PIGO: variants seen among roughly 807,000 people sequenced by gnomAD.
PIGO encodes phosphatidylinositol glycan anchor biosynthesis class O, also known as GPI ethanolamine phosphate transferase 3, catalytic subunit.
PIGO carries 66 observed loss-of-function variants against 86.9 expected under a neutral mutation model. The observed-to-expected ratio is 0.76, with a 90% confidence interval of 0.62 to 0.93. PIGO has a LOEUF of 0.93. Among genes scored for constraint, PIGO ranks in the 40% least tolerant of loss-of-function variants. The pLI is 0.00. For missense variants in PIGO, 1,202 were observed against 1,359.1 expected, an observed-to-expected ratio of 0.88 and a Z score of 1.82; for synonymous variants, 570 against 556.4, an observed-to-expected ratio of 1.02 and a Z score of -0.34.
In PIGO at chr9:35,090,173, C is replaced by T. The variant is rs1829347985; in HGVS notation, c.2962G>A (p.Glu988Lys). 2 of 1,614,128 alleles carry T rather than the reference C, an allele frequency of 1.2e-6. No individual in the cohort carries two copies. The highest frequency in any genetic ancestry group is 1.7e-6 in the Non-Finnish European group (2 of 1,180,052). ...ATCTCCATCAGTGGCTCCTCTTCCT[C>T]CTCGGGTCTGACTCTGGCATCAGCT... ...NEADARVRPE[E>K]EEEPLMEMRL... The change falls in exon 9 of 11, where the codon GAG becomes AAG. Residue 988 changes from glutamate to lysine, a missense_variant. Glu to Lys is a moderately conservative substitution (Grantham distance 56). Transcript: ENST00000378617.
At position 35,095,274 on chromosome 9, in the gene PIGO, G is replaced by T; in HGVS notation, c.292C>A (p.Leu98Ile). The change falls in exon 2 of 11, where the codon CTA (leucine) becomes ATA (isoleucine). Residue 98 changes from leucine (L) to isoleucine (I), a missense_variant. Transcript: ENST00000378617. ...GAGCTTAGTTTGCCCAGGAAGGGTA[G>T]GGAGACAGGAGGCTCTCTAGGCACG... ...SHVPREPPVS[L>I]PFLGKLSSLQ... The T allele has an allele frequency of 6.2e-7, 1 of 1,614,156 alleles. No individual in the cohort carries two copies. The highest frequency in any genetic ancestry group is 8.5e-7 in the Non-Finnish European group (1 of 1,180,006).
chr9:35,089,995 G>C lies in PIGO; in HGVS notation c.3069+71C>G, dbSNP rs1056529357. The stretch of plus-strand genomic sequence containing the variant: ...AGTCAAGGCTCTCTCCCACGGTTTT[G>C]AAGGTCTGAAAGAAAGTGATGCACA... On this transcript the variant is annotated intron_variant, in intron 9 of 10. Coordinates refer to ENST00000378617, the MANE Select transcript of PIGO (RefSeq NM_032634.4). 9 of 1,542,640 alleles carry C rather than the reference G, an allele frequency of 5.8e-6. No individual in the cohort carries two copies. The African/African-American group carries it at 6.9e-5, about 12-fold the overall frequency.
At position 35,095,224 on chromosome 9, in the gene PIGO, C is replaced by A. The variant is rs1470054515; in HGVS notation, c.342G>T (p.Gln114His). Residue 114 changes from glutamine (Q) to histidine (H), a missense_variant, in exon 2 of 11, where the codon CAG becomes CAT. By Grantham distance (24) the Gln-to-His change is conservative (BLOSUM62 0). Transcript: ENST00000378617. ...LSSLQRILEI[Q>H]PHHARLYRSQ... is the part of the protein sequence containing the mutation. ...ATCGGTAGAGCCGGGCATGGTGGGGCTGAATCTCCAGGATCCTCTGCAAGG... is the reference window on the plus strand; with the variant it reads ...ATCGGTAGAGCCGGGCATGGTGGGGATGAATCTCCAGGATCCTCTGCAAGG... The A allele has an allele frequency of 1.2e-6, 2 of 1,614,046 alleles. No individual in the cohort carries two copies. The highest frequency in any genetic ancestry group is 3.3e-5 in the Admixed American group (2 of 60,004).
At chr9:35,090,694 G>A (rs774292957) in intron 7 of PIGO, 22 bp from the exon 8 acceptor site, 24 of 1,608,254 alleles carry the variant, frequency 1.5e-5, no homozygotes, top group East Asian at 2.2e-5. Flanking sequence ...GATATGCCAC[G>A]TTACAGTCAC....
chr9:35,089,280 A>G, intron 10 of PIGO, 59 bp from the exon 11 acceptor site: 1 of 1,613,666 alleles, frequency 6.2e-7, no homozygotes, highest in South Asian at 1.1e-5. Context: ...TTTTCCCTGT[A>G]GAGGCAAAAC....
rs747585510 is a variant in PIGO, at chr9:35,091,639, G to C, written c.2248C>G (p.Leu750Val). 10 of 1,613,300 alleles carry C rather than the reference G, an allele frequency of 6.2e-6. No individual in the cohort carries two copies. The highest frequency in any genetic ancestry group is 2.7e-5 in the African/African-American group (2 of 74,932). Residue 750 changes from leucine to valine, a missense_variant, in exon 7 of 11, where the codon CTG becomes GTG. Leu to Val is a conservative substitution (Grantham distance 32). Transcript: ENST00000378617. ...SMVLPRAVAG[L>V]AASGLALLLW... is the part of the protein sequence containing the mutation. ...AGCAGCGCGAGCCCTGAAGCAGCCA[G>C]CCCTGCTACAGCCCGAGGCAGCACC...
chr9:35,092,524 T>C lies in PIGO; in HGVS notation c.1363A>G (p.Thr455Ala), dbSNP rs766309374. The change falls in exon 7 of 11, where the codon ACT becomes GCT. Residue 455 changes from threonine (T) to alanine (A), a missense_variant. Physicochemically the swap from Thr to Ala is moderately conservative, Grantham distance 58 (BLOSUM62 0). Transcript: ENST00000378617. ...AAGCAGGAAGCAGCCAAGAGAGCAG[T>C]ACCCCCCGCCATGCGGACCAGAGAG... ...RFSLVRMAGG[T>A]ALLAASCFIC... is the part of the protein sequence containing the mutation. 2.4e-5 allele frequency: 38 copies of C among 1,614,138 alleles called. No homozygotes were observed. The highest frequency in any genetic ancestry group is 3.1e-5 in the Non-Finnish European group (37 of 1,179,992).
chr9:35,089,573 A>T, intron 9 of PIGO, 123 bp from the exon 10 acceptor site: 2 of 1,520,872 alleles, frequency 1.3e-6, no homozygotes, highest in Non-Finnish European at 1.8e-6. Flanking sequence ...CAGTGGAAAA[A>T]ATATTGCATG....
intron 5 of PIGO, 46 bp from the exon 6 acceptor site, chr9:35,093,255 G>A (rs1829517535): frequency 6.3e-7 from 1 of 1,588,166 alleles, no homozygotes. Context: ...CAAAGCTGAA[G>A]TCAATGTTTG....
Position 35,092,324 on chromosome 9 carries a change from T to C in PIGO, c.1563A>G (p.Ser521=). 1 of 1,614,148 alleles carries C rather than the reference T, an allele frequency of 6.2e-7. No individual in the cohort carries two copies. The highest frequency in any genetic ancestry group is 8.5e-7 in the Non-Finnish European group (1 of 1,180,020). Residue 521 remains serine (S), a synonymous_variant, in exon 7 of 11, where the codon TCA becomes TCG. Coordinates refer to ENST00000378617, the MANE Select transcript of PIGO (RefSeq NM_032634.4). ...VLLGAVAAVS[S]FLPFLWKAWA... ...AGGCTTTCCACAGAAAAGGGAGGAATGAGCTCACTGCAGCCACAGCCCCTA... is the reference window on the plus strand; with the variant it reads ...AGGCTTTCCACAGAAAAGGGAGGAACGAGCTCACTGCAGCCACAGCCCCTA...
intron 9 of PIGO, chr9:35,089,821 G>T: frequency 2.8e-6 from 4 of 1,404,286 alleles, no homozygotes; most frequent in Non-Finnish European, 3.7e-6. Flanking sequence ...CACTGATAGA[G>T]TAATCCTCAA....
chr9:35,092,107 G>A lies in PIGO; in HGVS notation c.1780C>T (p.Leu594=). ...ATTGTGAGTAGCTTAGGTGGAAGCA[G>A]CTGGCCCTCCCAGTGAAGCTGGACA... is the stretch of plus-strand genomic sequence containing the variant. ...LVVQLHWEGQ[L]LPPKLLTMPR... The change falls in exon 7 of 11, where the codon CTG becomes TTG. Residue 594 remains leucine (L), a synonymous_variant. Coordinates refer to ENST00000378617, the MANE Select transcript of PIGO (RefSeq NM_032634.4). The A allele has an allele frequency of 6.2e-7, 1 of 1,614,262 alleles. No homozygotes were observed. Among genetic ancestry groups the A allele is most frequent in the Non-Finnish European group, 8.5e-7 (1 of 1,180,046 alleles).
Position 35,093,480 on chromosome 9 carries a change from C to T in PIGO, c.880G>A (p.Val294Ile), listed in dbSNP as rs763720647. The T allele has an allele frequency of 6.2e-7, 1 of 1,614,136 alleles. No individual in the cohort carries two copies. The highest frequency in any genetic ancestry group is 1.1e-5 in the South Asian group (1 of 91,070). Residue 294 changes from valine to isoleucine, a missense_variant, in exon 5 of 11, where the codon GTC becomes ATC. By Grantham distance (29) the Val-to-Ile change is conservative (BLOSUM62 3). Coordinates refer to ENST00000378617, the MANE Select transcript of PIGO (RefSeq NM_032634.4). ...CTATACAGAAAGAGAGCAGCTGAGA[C>T]CTCCAGCTCACTGTCCCCTCCATGG... Reference protein sequence around the residue: ...GDHGGDSELEVSAALFLYSPT... With the variant: ...GDHGGDSELEISAALFLYSPT...
chr9:35,089,610 C>A, intron 9 of PIGO, 160 bp from the exon 10 acceptor site: 1 of 1,462,072 alleles, frequency 6.8e-7, no homozygotes. Flanking sequence ...AGGAGACCTA[C>A]TTCCTGCCCT....
At chr9:35,093,350 T>G (rs773851080) in intron 5 of PIGO, 71 bp downstream of exon 5, 34 of 1,602,616 alleles carry the variant, frequency 2.1e-5, no homozygotes, top group Non-Finnish European at 2.0e-5. Context: ...ATAGAGGTAT[T>G]CATGAGGATG....
Position 35,092,540 on chromosome 9 carries a change from G to A in PIGO, c.1347C>T (p.Val449=). 6.2e-7 allele frequency: 1 copy of A among 1,614,216 alleles called. No homozygotes were observed. The highest frequency in any genetic ancestry group is 8.5e-7 in the Non-Finnish European group (1 of 1,180,016). The change falls in exon 7 of 11, where the codon GTC becomes GTT. Residue 449 remains valine (V), a synonymous_variant. Transcript: ENST00000378617. ...AGAGAGCAGTACCCCCCGCCATGCG[G>A]ACCAGAGAGAAACGAGCCCAAGACT... ...CIESWARFSL[V]RMAGGTALLA...
rs200985888 is a variant in PIGO at position 35,095,461 on chromosome 9, G to C, written c.105C>G (p.Leu35=). ...GCTCTTGGCAGCTGCTATGGTTGGT[G>C]AGCTCCAAACGGGTGAGCAGGAAGC... ...TSGFLLTRLE[L]TNHSSCQEPP... is the part of the protein sequence containing the mutation. Residue 35 remains leucine (L), a synonymous_variant, in exon 2 of 11, where the codon CTC becomes CTG. Transcript: ENST00000378617. 6.2e-7 allele frequency: 1 copy of C among 1,613,890 alleles called. No individual in the cohort carries two copies. The highest frequency in any genetic ancestry group is 2.2e-5 in the East Asian group (1 of 44,884).
In PIGO at chr9:35,089,880, G is replaced by C; in HGVS notation, c.3069+186C>G. Reference sequence around the variant, plus strand: ...TAGGTTGTAGAGGGGAAATGATCCAGGACTAGGATTAAGGAGACCCAGGTT... The same window carrying C: ...TAGGTTGTAGAGGGGAAATGATCCACGACTAGGATTAAGGAGACCCAGGTT... On this transcript the variant is annotated intron_variant, in intron 9 of 10. Transcript: ENST00000378617. 2.1e-6 allele frequency: 3 copies of C among 1,426,090 alleles called. No individual in the cohort carries two copies. The South Asian group carries it at 4.6e-5, about 22-fold the overall frequency. 88.3% of individuals were successfully genotyped at this position (1,426,090 alleles called of 1,614,324 possible).
rs769136743 is a variant in PIGO at position 35,089,500 on chromosome 9, C to T, written c.3070-50G>A. Reference sequence around the variant, plus strand: ...GTTACTTGTGAAGGAGAGGAGGAAGCGGAGCAAAAGGAGAGTTTCTATAGG... The same window carrying T: ...GTTACTTGTGAAGGAGAGGAGGAAGTGGAGCAAAAGGAGAGTTTCTATAGG... On this transcript the variant is annotated intron_variant, in intron 9 of 10. Coordinates refer to ENST00000378617, the MANE Select transcript of PIGO (RefSeq NM_032634.4). 15 of 1,612,404 alleles carry T rather than the reference C, an allele frequency of 9.3e-6. 1 individual carries two copies. Among genetic ancestry groups the T allele is most frequent in the Admixed American group, 5.0e-5 (3 of 59,684 alleles).
Sources: gnomAD v4.1 joint callset for allele counts on GRCh38, gnomAD v4.1.1 for gene constraint, MANE v1.5 for transcripts, NCBI Gene and HGNC (gene_info 2026-07-23, HGNC 2026-07-21) for gene names.